EFNB2: variants seen among roughly 807,000 people sequenced by gnomAD.
EFNB2 encodes ephrin-B2.
EFNB2 carries 5 observed loss-of-function variants against 32.1 expected under a neutral mutation model. The observed-to-expected ratio is 0.16, with a 90% CI of 0.08 to 0.33. The LOEUF is 0.33. Ranked by LOEUF, EFNB2 falls within the 10% of genes least tolerant of loss-of-function variation. The pLI is 1.00. For missense variants in EFNB2, 263 were observed against 422.6 expected, an observed-to-expected ratio of 0.62 and a Z score of 3.31; for synonymous variants, 168 against 166.5, an observed-to-expected ratio of 1.01 and a Z score of -0.07.
Position 106,535,563 on chromosome 13 carries a change from A to C in EFNB2, c.-599T>G, listed in dbSNP as rs1460034028. ...GCTCGGTCCCCGCCGCGGGCTCCGG[A>C]CGCGCGCGGGCCTTTGTGTGCGGGG... On this transcript the variant is annotated 5_prime_UTR_variant, in exon 1 of 5. Transcript: ENST00000646441. 1 of 148,812 alleles carries C rather than the reference A, an allele frequency of 6.7e-6. No individual in the cohort carries two copies. Among genetic ancestry groups the C allele is most frequent in the Non-Finnish European group, 1.5e-5 (1 of 66,898 alleles). 9.2% of individuals were successfully genotyped at this position (148,812 alleles called of 1,614,324 possible).
intron 1 of EFNB2, among the ~76,000 whole-genome samples, chr13:106,526,095 G>C (rs1387196093): frequency 6.6e-6 from 1 of 152,144 alleles, no homozygotes; most frequent in African/African-American, 2.4e-5. Flanking sequence ...TCAGGAATCA[G>C]GAACTCTGGG....
chr13:106,505,926 T>A (rs559024401), intron 2 of EFNB2: 3 of 152,388 alleles, frequency 2.0e-5, no homozygotes, highest in African/African-American at 7.2e-5. Flanking sequence ...ACAGCAGCTT[T>A]TTCTTCTTAC....
intron 1 of EFNB2, among the ~76,000 whole-genome samples, chr13:106,526,869 G>C (rs564690834): frequency 1.1e-3 from 161 of 152,320 alleles, no homozygotes; most frequent in Non-Finnish European, 2.0e-3. Flanking sequence ...GATCAATTGA[G>C]AAACACTTCT....
chr13:106,490,790 A>G lies in EFNB2; in HGVS notation c.*2250T>C, dbSNP rs1168752934. The G allele has an allele frequency of 5.3e-5, 8 of 152,326 alleles. No homozygotes were observed. The Admixed American group carries it at 5.3e-4, about 10-fold the overall frequency. The allele number at this position is 152,326 out of a possible 1,614,324, so 9.4% of individuals were successfully genotyped here. A position where few individuals can be genotyped will look rare whatever the true frequency, so the allele number is the denominator to read the frequency against. ...AGATATATATTATACATATATGTAC[A>G]CATGTATACCACGCACCCACTCACA... On this transcript the variant is annotated 3_prime_UTR_variant, in exon 5 of 5. Transcript: ENST00000646441.
rs1021727487 is a variant in EFNB2, at chr13:106,489,879, A to G, written c.*3161T>C. 2 of 152,626 alleles carry G rather than the reference A, an allele frequency of 1.3e-5. No individual in the cohort carries two copies. Among genetic ancestry groups the G allele is most frequent in the African/African-American group, 4.8e-5 (2 of 41,456 alleles). The allele number at this position is 152,626 out of a possible 1,614,324, so 9.5% of individuals were successfully genotyped here. On this transcript the variant is annotated 3_prime_UTR_variant, in exon 5 of 5. Transcript: ENST00000646441. ...AACTAAAGCAGATTTAAAACCTATG[A>G]CAGGCTATTAAAATAAAACAAAGAA...
chr13:106,510,896 G>A (rs990151928), intron 2 of EFNB2, among the ~76,000 whole-genome samples: 2 of 152,154 alleles, frequency 1.3e-5, no homozygotes, highest in Non-Finnish European at 2.9e-5. Context: ...CTACTTGGGA[G>A]GCTGAGGCAG....
rs1831591913 is a variant in EFNB2, at chr13:106,490,904, C to A, written c.*2136G>T. ...CTGTGACAACTCATTTTTGCAGGTA[C>A]TCACTGGAGGTCTGAGAACCTTAAA... On this transcript the variant is annotated 3_prime_UTR_variant, in exon 5 of 5. Coordinates refer to ENST00000646441, the MANE Select transcript of EFNB2 (RefSeq NM_004093.4). 6.6e-6 allele frequency: 1 copy of A among 151,718 alleles called. No individual in the cohort carries two copies. The highest frequency in any genetic ancestry group is 2.4e-5 in the African/African-American group (1 of 41,066). The allele number at this position is 151,718 out of a possible 1,614,324, so 9.4% of individuals were successfully genotyped here.
At chr13:106,529,060 CT>C (rs1879792376) in intron 1 of EFNB2, among the ~76,000 whole-genome samples, 1 of 152,196 alleles carries the variant, frequency 6.6e-6, no homozygotes, top group African/African-American at 2.4e-5. Context: ...TGTATTTTAT[CT>C]TTTTTTCCAG....
rs184390914 is a variant in EFNB2 at position 106,510,286 on chromosome 13, T to C, written c.406+2243A>G. On this transcript the variant is annotated intron_variant, in intron 2 of 4. Transcript: ENST00000646441. Reference sequence around the variant, plus strand: ...TGCTTCTAAATACAAATCTCTCATGTATTAATAAAAAGCAATTATTAAATG... The same window carrying C: ...TGCTTCTAAATACAAATCTCTCATGCATTAATAAAAAGCAATTATTAAATG... 2.0e-3 allele frequency: 301 copies of C among 152,366 alleles called. 2 individuals carry two copies. Among genetic ancestry groups the C allele is most frequent in the African/African-American group, 6.8e-3 (284 of 41,588 alleles). 9.4% of individuals were successfully genotyped at this position (152,366 alleles called of 1,614,324 possible).
At chr13:106,529,847 T>C (rs1239814233) in intron 1 of EFNB2, among the ~76,000 whole-genome samples, 1 of 152,238 alleles carries the variant, frequency 6.6e-6, no homozygotes, top group Non-Finnish European at 1.5e-5. Flanking sequence ...AGTTTCTTTA[T>C]ACTCTGCCCT....
intron 1 of EFNB2, among the ~76,000 whole-genome samples, chr13:106,529,133 G>A (rs1378200879): frequency 6.6e-6 from 1 of 152,132 alleles, no homozygotes; most frequent in African/African-American, 2.4e-5. Context: ...AATGTGTCCT[G>A]TTTACCTTTG....
At chr13:106,509,486 C>T (rs542858839) in intron 2 of EFNB2, among the ~76,000 whole-genome samples, 1 of 152,234 alleles carries the variant, frequency 6.6e-6, no homozygotes, top group East Asian at 1.9e-4. Flanking sequence ...CAAAGTGAAC[C>T]AACGATTTGA....
intron 1 of EFNB2, among the ~76,000 whole-genome samples, chr13:106,526,741 A>ACT (rs540768786): frequency 2.0e-5 from 3 of 152,244 alleles, no homozygotes; most frequent in Admixed American, 2.0e-4. Context: ...GCCTTGCCCC[A>ACT]CTCACTCATG....
chr13:106,494,183 G>T (rs1222500918), intron 4 of EFNB2, among the ~76,000 whole-genome samples: 1 of 152,172 alleles, frequency 6.6e-6, no homozygotes, highest in Admixed American at 6.5e-5. Flanking sequence ...TGCTGCAGAC[G>T]ATAAATTTGC....
At chr13:106,525,175 C>G (rs1014700331) in intron 1 of EFNB2, among the ~76,000 whole-genome samples, 2 of 152,166 alleles carry the variant, frequency 1.3e-5, no homozygotes, top group Admixed American at 1.3e-4. Context: ...TTATTCAGCA[C>G]TATTATGTTA....
chr13:106,503,694 C>G (rs1380715787), intron 2 of EFNB2, among the ~76,000 whole-genome samples: 1 of 152,076 alleles, frequency 6.6e-6, no homozygotes, highest in Non-Finnish European at 1.5e-5. Flanking sequence ...ATGTGGATAT[C>G]TTGTCCAGCC....
At chr13:106,524,029 A>C (rs1257513579) in intron 1 of EFNB2, among the ~76,000 whole-genome samples, 1 of 152,212 alleles carries the variant, frequency 6.6e-6, no homozygotes, top group East Asian at 1.9e-4. Context: ...ACTACTCAAT[A>C]TATGCATGAC....
At chr13:106,519,429 G>GT (rs375879025) in intron 1 of EFNB2, 65 of 147,840 alleles carry the variant, frequency 4.4e-4, no homozygotes, top group African/African-American at 1.5e-3. Context: ...ATAAATGTGT[G>GT]GGGGGGGAGG....
chr13:106,511,811 G>A (rs566880488), intron 2 of EFNB2, among the ~76,000 whole-genome samples: 19 of 152,288 alleles, frequency 1.2e-4, no homozygotes, highest in African/African-American at 4.3e-4. Flanking sequence ...TCTGCACATA[G>A]TAGGCGTGGG....
Sources: allele counts gnomAD v4.1 joint callset (sites outside exome capture counted in the v4.1 genomes callset), GRCh38; gene constraint gnomAD v4.1.1; transcripts MANE v1.5; gene names NCBI Gene and HGNC (gene_info 2026-07-23, HGNC 2026-07-21).